The following FHIP1A variants were observed in gnomAD, a reference collection of about 807,000 sequenced individuals.
The protein encoded by FHIP1A is FHF complex subunit HOOK-interacting protein 1A.
A neutral mutation model predicts 88.6 loss-of-function variants in FHIP1A; 61 were observed. That is an observed-to-expected ratio of 0.69 (90% confidence interval 0.56 to 0.85). The LOEUF (loss-of-function observed/expected upper bound fraction) is 0.85. FHIP1A is among the 40% of genes least tolerant of loss of function. FHIP1A has a pLI of 0.00. For synonymous variants in FHIP1A, 478 were observed against 496.0 expected (o/e 0.96, Z 0.48); for missense variants, 1,154 against 1,273.5 (o/e 0.91, Z 1.43).
intron 9 of FHIP1A, among the ~76,000 whole-genome samples, chr4:151,644,698 C>T (rs542808282): frequency 6.6e-5 from 10 of 152,300 alleles, no homozygotes; most frequent in Admixed American, 3.3e-4. Context: ...TCTCCCACCA[C>T]GGTTGCCACA....
chr4:151,469,114 C>T (rs1264325877), intron 2 of FHIP1A, among the ~76,000 whole-genome samples: 1 of 152,190 alleles, frequency 6.6e-6, no homozygotes, highest in Non-Finnish European at 1.5e-5. Context: ...CTCAAAAAAG[C>T]TGATTTACCA....
In FHIP1A at chr4:151,629,863, G is replaced by GT. The variant is rs1560809264; in HGVS notation, c.1143dup (p.Arg382SerfsTer19). On this transcript the variant is annotated frameshift_variant, in exon 8 of 14. Coordinates refer to ENST00000435205, the MANE Select transcript of FHIP1A (RefSeq NM_001109977.3). LOFTEE classifies it high-confidence loss of function. ...CTCTCACGAGTCGAATCAACACCCC[G>GT]TTTCGGGTAAGGAGAGCGCCAGAGG... 1 of 1,550,790 alleles carries GT rather than the reference G, an allele frequency of 6.4e-7. No homozygotes were observed.
At chr4:151,434,348 G>A (rs1325579883) in intron 1 of FHIP1A, among the ~76,000 whole-genome samples, 1 of 152,146 alleles carries the variant, frequency 6.6e-6, no homozygotes, top group Non-Finnish European at 1.5e-5. Flanking sequence ...ATATGAATGA[G>A]ATATTCTTAG....
intron 6 of FHIP1A, among the ~76,000 whole-genome samples, chr4:151,587,989 G>A (rs1442417225): frequency 3.9e-5 from 6 of 151,976 alleles, no homozygotes; most frequent in Non-Finnish European, 8.8e-5. Context: ...CACTTTCCTA[G>A]AAATTGCTTT....
chr4:151,481,096 T>C (rs1014016280), intron 2 of FHIP1A, among the ~76,000 whole-genome samples: 12 of 152,158 alleles, frequency 7.9e-5, no homozygotes, highest in Middle Eastern at 3.4e-3. Context: ...ATTGCTCCCC[T>C]CAACCCATCT....
At chr4:151,617,655 G>T (rs1735592339) in intron 7 of FHIP1A, among the ~76,000 whole-genome samples, 1 of 152,166 alleles carries the variant, frequency 6.6e-6, no homozygotes. Context: ...GGAGGCTGAG[G>T]TGGGGGGATC....
intron 3 of FHIP1A, among the ~76,000 whole-genome samples, chr4:151,541,188 G>C (rs1242663634): frequency 6.6e-6 from 1 of 152,146 alleles, no homozygotes; most frequent in African/African-American, 2.4e-5. Flanking sequence ...TTTATTACCT[G>C]TGATGGTAAG....
At chr4:151,618,205 A>G (rs536736331) in intron 7 of FHIP1A, among the ~76,000 whole-genome samples, 3 of 152,370 alleles carry the variant, frequency 2.0e-5, no homozygotes, top group East Asian at 1.9e-4. Context: ...ACTCATCACT[A>G]TATTAGAATA....
intron 2 of FHIP1A, among the ~76,000 whole-genome samples, chr4:151,459,526 A>G (rs1268556301): frequency 1.3e-5 from 2 of 152,190 alleles, no homozygotes. Context: ...TTGGAAGTAA[A>G]TACTTATGTA....
intron 8 of FHIP1A, among the ~76,000 whole-genome samples, chr4:151,633,232 T>C (rs945529114): frequency 6.6e-6 from 1 of 151,760 alleles, no homozygotes; most frequent in Non-Finnish European, 1.5e-5. Flanking sequence ...CTTAGAAACA[T>C]ATAGCCTATC....
At chr4:151,545,673 A>G (rs566584600) in intron 3 of FHIP1A, among the ~76,000 whole-genome samples, 30 of 150,924 alleles carry the variant, frequency 2.0e-4, no homozygotes, top group Admixed American at 8.6e-4. Context: ...CACCTCCCCC[A>G]GCCTCCTTAT....
intron 3 of FHIP1A, among the ~76,000 whole-genome samples, chr4:151,551,623 C>T (rs1484186197): frequency 6.6e-6 from 1 of 152,072 alleles, no homozygotes; most frequent in Non-Finnish European, 1.5e-5. Context: ...GGAAAACTGG[C>T]TAGCCATATG....
chr4:151,653,643 AT>A (rs1028003727), intron 11 of FHIP1A, among the ~76,000 whole-genome samples: 9 of 152,310 alleles, frequency 5.9e-5, no homozygotes, highest in Admixed American at 5.2e-4. Context: ...TTAAATCTCT[AT>A]TAACATAGAA....
At chr4:151,493,780 A>G (rs1286950227) in intron 3 of FHIP1A, among the ~76,000 whole-genome samples, 1 of 152,222 alleles carries the variant, frequency 6.6e-6, no homozygotes, top group Non-Finnish European at 1.5e-5. Context: ...ACATTGCTTT[A>G]TGATTAAAAT....
chr4:151,490,197 A>G (rs112242703), intron 3 of FHIP1A, among the ~76,000 whole-genome samples: 1,787 of 152,298 alleles, frequency 0.012, 26 homozygotes, highest in African/African-American at 0.042. Context: ...CATAACCAGC[A>G]TTTGAGAAAA....
Position 151,577,490 on chromosome 4 carries a change from C to T in FHIP1A, c.146C>T (p.Thr49Ile), listed in dbSNP as rs1370735007. 3.2e-6 allele frequency: 5 copies of T among 1,547,212 alleles called. No homozygotes were observed. The African/African-American group carries it at 6.8e-5, about 21-fold the overall frequency. ...ILEKHDPLKN[T>I]QAKYGSIPPD... Reference sequence around the variant, plus strand: ...GAGAAGCACGACCCCTTGAAGAACACCCAGGCAAAATATGGGTCTATCCCT... The same window carrying T: ...GAGAAGCACGACCCCTTGAAGAACATCCAGGCAAAATATGGGTCTATCCCT... Residue 49 changes from threonine (T) to isoleucine (I), a missense_variant, in exon 5 of 14, where the codon ACC becomes ATC. Physicochemically the swap from Thr to Ile is moderately conservative, Grantham distance 89. Transcript: ENST00000435205.
chr4:151,552,837 AAG>A (rs1324756257), intron 3 of FHIP1A, among the ~76,000 whole-genome samples: 1 of 151,786 alleles, frequency 6.6e-6, no homozygotes, highest in African/African-American at 2.4e-5. Context: ...AAAAAAAAAA[AAG>A]AAAAAACAAA....
intron 4 of FHIP1A, 30 bp from the exon 5 acceptor site, chr4:151,577,420 A>C: frequency 6.7e-7 from 1 of 1,492,932 alleles, no homozygotes; most frequent in South Asian, 1.3e-5. Flanking sequence ...TAAACATCAG[A>C]TGGATGACAA....
intron 2 of FHIP1A, among the ~76,000 whole-genome samples, chr4:151,472,427 A>T (rs1179459921): frequency 1.3e-5 from 2 of 152,122 alleles, no homozygotes; most frequent in African/African-American, 4.8e-5. Flanking sequence ...TTTTTGACTG[A>T]TGGCTGATAG....
Sources: allele counts gnomAD v4.1 joint callset (sites outside exome capture counted in the v4.1 genomes callset), GRCh38; gene constraint gnomAD v4.1.1; transcripts MANE v1.5; gene names NCBI Gene and HGNC (gene_info 2026-07-23, HGNC 2026-07-21).